The following PACRG variants were observed in gnomAD, a reference collection of about 807,000 sequenced individuals.
PACRG encodes the protein parkin coregulated.
A neutral mutation model predicts 29.7 loss-of-function variants in PACRG; 29 were observed. That is an observed-to-expected ratio of 0.98 (90% CI 0.73 to 1.33). The LOEUF is 1.33. Among genes scored for constraint, PACRG ranks in the 40% most tolerant of loss-of-function variants. The pLI, the probability that PACRG is intolerant of heterozygous loss-of-function variation, is 0.00. For synonymous variants in PACRG, 116 were observed against 118.7 expected (o/e 0.98, Z 0.15); for missense variants, 279 against 316.2 (o/e 0.88, Z 0.89).
intron 2 of PACRG, among the ~76,000 whole-genome samples, chr6:162,904,500 T>C (rs1795794300): frequency 6.6e-6 from 1 of 152,200 alleles, no homozygotes; most frequent in South Asian, 2.1e-4. Context: ...GTCCGATTCC[T>C]GGATACAGCC....
chr6:163,239,779 C>T lies in PACRG; in HGVS notation c.614-75048C>T, dbSNP rs1410228674. Among the ~76,000 whole-genome samples the T allele has an allele frequency of 2.0e-5, 3 of 147,982 alleles. No individual in the cohort carries two copies. In the East Asian group the frequency reaches 6.0e-4, roughly 29 times the overall value. On this transcript the variant is annotated intron_variant, in intron 4 of 4. Transcript: ENST00000366888. The stretch of plus-strand genomic sequence containing the variant: ...ACACACACTCACACCTCCACCCCCA[C>T]ACACACACACACTCACACATTCACA...
At chr6:162,764,553 T>C (rs1782633176) in intron 1 of PACRG, among the ~76,000 whole-genome samples, 1 of 152,144 alleles carries the variant, frequency 6.6e-6, no homozygotes, top group East Asian at 1.9e-4. Context: ...CCCATGTCCA[T>C]ATTTAGAGAT....
At chr6:163,120,007 A>G (rs1392899918) in intron 4 of PACRG, among the ~76,000 whole-genome samples, 1 of 152,162 alleles carries the variant, frequency 6.6e-6, no homozygotes, top group Non-Finnish European at 1.5e-5. Flanking sequence ...TCTAAGACAC[A>G]TTTTGTAGAG....
chr6:163,076,435 C>T (rs1330520587), intron 3 of PACRG, among the ~76,000 whole-genome samples: 2 of 152,112 alleles, frequency 1.3e-5, no homozygotes, highest in African/African-American at 2.4e-5. Flanking sequence ...GTCAGTTTAC[C>T]TGCTTTCTGC....
At position 163,161,283 on chromosome 6, in the gene PACRG, C is replaced by T. The variant is rs968244802; in HGVS notation, c.613+71875C>T. ...GGAAGCCTAAGGTTTTTATCCCCAC[C>T]GAGATGTGCCTGCCATATTTGCATT... On this transcript the variant is annotated intron_variant, in intron 4 of 4. Transcript: ENST00000366888. Among the ~76,000 whole-genome samples the T allele has an allele frequency of 3.9e-5, 6 of 152,134 alleles. No homozygotes were observed. The East Asian group carries it at 9.6e-4, about 24-fold the overall frequency.
chr6:162,897,046 C>G (rs186941341), intron 2 of PACRG, among the ~76,000 whole-genome samples: 10 of 152,224 alleles, frequency 6.6e-5, no homozygotes, highest in African/African-American at 2.4e-4. Flanking sequence ...GCCAATGAGC[C>G]CCTACAACAA....
intron 1 of PACRG, among the ~76,000 whole-genome samples, chr6:162,768,674 C>G (rs1168635798): frequency 2.0e-5 from 3 of 152,190 alleles, no homozygotes; most frequent in Non-Finnish European, 4.4e-5. Flanking sequence ...CCAAGAAAGT[C>G]TAAGTTGATC....
At chr6:162,987,699 G>A (rs112798616) in intron 2 of PACRG, among the ~76,000 whole-genome samples, 107 of 152,270 alleles carry the variant, frequency 7.0e-4, no homozygotes, top group African/African-American at 2.4e-3. Flanking sequence ...CCAGTCTTAG[G>A]TGTGTCTTTA....
intron 2 of PACRG, among the ~76,000 whole-genome samples, chr6:162,885,277 A>G (rs889324945): frequency 2.1e-5 from 2 of 94,280 alleles, no homozygotes; most frequent in African/African-American, 4.4e-5. Context: ...TTTTTTTTTT[A>G]ATTATTTTTT....
At chr6:163,144,981 C>A (rs1777737020) in intron 4 of PACRG, among the ~76,000 whole-genome samples, 1 of 152,132 alleles carries the variant, frequency 6.6e-6, no homozygotes, top group Admixed American at 6.5e-5. Context: ...CCCTCTGAGC[C>A]CTGCTGATGT....
intron 4 of PACRG, among the ~76,000 whole-genome samples, chr6:163,205,346 T>G (rs923217313): frequency 6.6e-6 from 1 of 152,170 alleles, no homozygotes; most frequent in Non-Finnish European, 1.5e-5. Flanking sequence ...CAAAACAGCA[T>G]GTACTGGTAT....
chr6:162,786,968 A>T (rs1784509725), intron 1 of PACRG, among the ~76,000 whole-genome samples: 1 of 152,210 alleles, frequency 6.6e-6, no homozygotes. Context: ...CAAAATTTCC[A>T]AATAACATTT....
intron 1 of PACRG, among the ~76,000 whole-genome samples, chr6:162,801,037 C>G (rs1785813205): frequency 6.6e-6 from 1 of 152,206 alleles, no homozygotes; most frequent in Admixed American, 6.5e-5. Context: ...TTTCTGGAAA[C>G]AAGGCCGCTT....
intron 2 of PACRG, among the ~76,000 whole-genome samples, chr6:162,922,841 G>C (rs1344937833): frequency 6.6e-6 from 1 of 151,936 alleles, no homozygotes; most frequent in Non-Finnish European, 1.5e-5. Flanking sequence ...TTCATATCTT[G>C]GCTACTGTGA....
chr6:162,787,899 G>T (rs768292091), intron 1 of PACRG, among the ~76,000 whole-genome samples: 13 of 126,922 alleles, frequency 1.0e-4, no homozygotes, highest in Admixed American at 9.7e-4. Flanking sequence ...TAAATTAATA[G>T]ACTTTATTTT....
Position 163,311,016 on chromosome 6 carries a change from G to A in PACRG, c.614-3811G>A, listed in dbSNP as rs557260406. The A allele has an allele frequency of 9.2e-5, 14 of 152,338 alleles. No homozygotes were observed. In the South Asian group the frequency reaches 2.7e-3, roughly 29 times the overall value. The allele number at this position is 152,338 out of a possible 1,614,324, so 9.4% of individuals were successfully genotyped here. On this transcript the variant is annotated intron_variant, in intron 4 of 4. Coordinates refer to ENST00000366888, the MANE Select transcript of PACRG (RefSeq NM_001080379.2). Reference sequence around the variant, plus strand: ...AAAGAGAAAGCATCCCATGGGGACAGTTTAAGGAGGTTTAGATAGAAAAAT... The same window carrying A: ...AAAGAGAAAGCATCCCATGGGGACAATTTAAGGAGGTTTAGATAGAAAAAT...
chr6:163,019,111 C>A (rs939597269), intron 2 of PACRG, among the ~76,000 whole-genome samples: 3 of 152,006 alleles, frequency 2.0e-5, no homozygotes, highest in Non-Finnish European at 2.9e-5. Flanking sequence ...CTTGCAAGTT[C>A]TTCTATTGAG....
intron 4 of PACRG, among the ~76,000 whole-genome samples, chr6:163,180,146 T>C (rs902080004): frequency 6.6e-6 from 1 of 152,248 alleles, no homozygotes; most frequent in African/African-American, 2.4e-5. Flanking sequence ...TTGCTGTGGC[T>C]GCTGACCAGC....
chr6:163,254,546 G>T (rs1057184407), intron 4 of PACRG, among the ~76,000 whole-genome samples: 1 of 152,230 alleles, frequency 6.6e-6, no homozygotes, highest in Non-Finnish European at 1.5e-5. Flanking sequence ...TTCAGCTCGC[G>T]AGTGGGCTCA....
Sources: allele counts gnomAD v4.1 joint callset (sites outside exome capture counted in the v4.1 genomes callset), GRCh38; gene constraint gnomAD v4.1.1; transcripts MANE v1.5; gene names NCBI Gene and HGNC (gene_info 2026-07-23, HGNC 2026-07-21).